Variants in ABCC9 observed in about 807,000 individuals in gnomAD.
The protein encoded by ABCC9 is ATP-binding cassette sub-family C member 9.
Under a neutral mutation model 188.3 loss-of-function variants are expected in ABCC9, and 95 were observed. The ratio of observed to expected loss-of-function variants is 0.50; its 90% CI spans 0.43 to 0.60. The LOEUF is 0.60. Among genes scored for constraint, ABCC9 ranks in the 20% least tolerant of loss-of-function variants. The probability of loss-of-function intolerance (pLI) is 0.00; values close to 1 mark genes in which losing one functional copy is unlikely to be tolerated. For synonymous variants in ABCC9, 659 were observed against 652.7 expected, an observed-to-expected ratio of 1.01 and a Z score of -0.15; for missense variants, 1,102 against 1,876.3, an observed-to-expected ratio of 0.59 and a Z score of 7.62.
intron 12 of ABCC9, among the ~76,000 whole-genome samples, chr12:21,896,351 G>A (rs937028696): frequency 4.6e-5 from 7 of 152,004 alleles, no homozygotes; most frequent in Non-Finnish European, 8.8e-5. Flanking sequence ...GTACAGTACC[G>A]CGAATCCAAA....
rs1276171782 is a variant in ABCC9 at position 21,809,905 on chromosome 12, G to C, written c.4262C>G (p.Ala1421Gly). ...CKCTDDRLWE[A>G]LEIAQLKNMV... Reference sequence around the variant, plus strand: ...ATTCTTCAGCTGAGCAATTTCTAAGGCTTCCCAGAGTCTGTCATCTGTGCA... The same window carrying C: ...ATTCTTCAGCTGAGCAATTTCTAAGCCTTCCCAGAGTCTGTCATCTGTGCA... The change falls in exon 37 of 40, where the codon GCC becomes GGC. Residue 1421 changes from alanine (A) to glycine (G), a missense_variant. Transcript: ENST00000261200. The C allele has an allele frequency of 1.2e-6, 2 of 1,612,670 alleles. No homozygotes were observed. The highest frequency in any genetic ancestry group is 2.2e-5 in the South Asian group (2 of 91,044).
intron 14 of ABCC9, among the ~76,000 whole-genome samples, chr12:21,891,098 T>C (rs1157846030): frequency 6.6e-6 from 1 of 152,182 alleles, no homozygotes; most frequent in Non-Finnish European, 1.5e-5. Context: ...TAACCCACCA[T>C]ACAGTAATTA....
chr12:21,917,681 A>G (rs1948656075), intron 5 of ABCC9, among the ~76,000 whole-genome samples: 1 of 152,210 alleles, frequency 6.6e-6, no homozygotes, highest in Admixed American at 6.6e-5. Context: ...CAATGGTCTT[A>G]TAGAGCGAAC....
chr12:21,842,353 G>T lies in ABCC9; in HGVS notation c.3434C>A (p.Ala1145Asp). ...FLVALLPLGV[A>D]FYFIQKYFRV... is the part of the protein sequence containing the mutation. ...AAAGTATTTCTGGATAAAATAAAAG[G>T]CAACACCAAGGGGCAGGAGAGCAAC... Residue 1145 changes from alanine to aspartate, a missense_variant, in exon 29 of 40, where the codon GCC becomes GAC. By Grantham distance (126) the Ala-to-Asp change is moderately radical (BLOSUM62 -2). Around this residue, in one of 12 missense-constraint regions of ABCC9, gnomAD observed 12 missense variants for 57.2 expected, o/e 0.21. Transcript: ENST00000261200. The T allele has an allele frequency of 1.2e-6, 2 of 1,614,090 alleles. No individual in the cohort carries two copies. The highest frequency in any genetic ancestry group is 1.7e-6 in the Non-Finnish European group (2 of 1,179,990).
chr12:21,806,824 C>T (rs1225681126), intron 38 of ABCC9, among the ~76,000 whole-genome samples: 1 of 152,192 alleles, frequency 6.6e-6, no homozygotes, highest in East Asian at 1.9e-4. Flanking sequence ...TTCTTGGACA[C>T]ATTTGACAAT....
intron 24 of ABCC9, among the ~76,000 whole-genome samples, chr12:21,851,049 C>G (rs914332719): frequency 6.6e-6 from 1 of 151,962 alleles, no homozygotes; most frequent in African/African-American, 2.4e-5. Flanking sequence ...TTGTATCTTC[C>G]TCTCTCTATG....
intron 29 of ABCC9, 89 bp from the exon 30 acceptor site, chr12:21,838,259 A>G: frequency 9.7e-7 from 1 of 1,034,394 alleles, no homozygotes; most frequent in South Asian, 1.3e-5. Flanking sequence ...TTATTTTGTC[A>G]CTGTATTTGT....
chr12:21,899,054 C>T (rs966693757), intron 12 of ABCC9, among the ~76,000 whole-genome samples: 3 of 152,074 alleles, frequency 2.0e-5, no homozygotes, highest in African/African-American at 4.8e-5. Flanking sequence ...ACCCTTTTCC[C>T]GTTTAGAAAA....
chr12:21,915,370 G>A (rs1565480835), intron 7 of ABCC9, among the ~76,000 whole-genome samples: 1 of 138,546 alleles, frequency 7.2e-6, no homozygotes, highest in South Asian at 2.3e-4. Context: ...GTGTATATAT[G>A]TGTGTATATA....
chr12:21,907,386 G>A (rs1196511719), intron 11 of ABCC9, among the ~76,000 whole-genome samples: 1 of 151,970 alleles, frequency 6.6e-6, no homozygotes, highest in Non-Finnish European at 1.5e-5. Flanking sequence ...TCCTGTCAGT[G>A]GCAGCATCTT....
chr12:21,818,118 T>C (rs749787335), intron 32 of ABCC9, 32 bp downstream of exon 32: 4 of 1,472,612 alleles, frequency 2.7e-6, no homozygotes, highest in Admixed American at 1.7e-5. Context: ...TGTTTGGTTA[T>C]CTGTTCCTGT....
rs557585231 is a variant in ABCC9, at chr12:21,917,266, T to A, written c.407-163A>T. ...AACAACATATATGATTTAGTGTACT[T>A]CTGGAGTTTTGAGTTGAAGGAGTAA... On this transcript the variant is annotated intron_variant, in intron 5 of 39. Coordinates refer to ENST00000261200, the MANE Select transcript of ABCC9 (RefSeq NM_020297.4). Among the ~76,000 whole-genome samples, 5 of 152,312 alleles carry A rather than the reference T, an allele frequency of 3.3e-5. No homozygotes were observed. In the East Asian group the frequency reaches 9.6e-4, roughly 29 times the overall value.
At chr12:21,857,435 A>C (rs150333444) in intron 22 of ABCC9, among the ~76,000 whole-genome samples, 1 of 152,242 alleles carries the variant, frequency 6.6e-6, no homozygotes, top group East Asian at 1.9e-4. Flanking sequence ...AGCAGATCTC[A>C]ATACCATAAT....
intron 33 of ABCC9, among the ~76,000 whole-genome samples, chr12:21,816,852 A>G (rs1194572503): frequency 6.6e-6 from 1 of 152,180 alleles, no homozygotes; most frequent in Non-Finnish European, 1.5e-5. Flanking sequence ...GTATTTTAAG[A>G]TCCAAATTTC....
rs184793380 is a variant in ABCC9 at position 21,887,484 on chromosome 12, A to G, written c.1911+342T>C. On this transcript the variant is annotated intron_variant, in intron 15 of 39. Coordinates refer to ENST00000261200, the MANE Select transcript of ABCC9 (RefSeq NM_020297.4). ...ATCAGAAAATATGTTTTAAACTATA[A>G]AGTGTAGTATAGCTAAATGGTATTA... Among the ~76,000 whole-genome samples the G allele has an allele frequency of 3.9e-5, 6 of 152,294 alleles. No individual in the cohort carries two copies. In the East Asian group the frequency reaches 1.2e-3, roughly 29 times the overall value.
At chr12:21,921,753 G>A (rs1948827930) in intron 5 of ABCC9, among the ~76,000 whole-genome samples, 1 of 151,984 alleles carries the variant, frequency 6.6e-6, no homozygotes, top group African/African-American at 2.4e-5. Flanking sequence ...TTTGTACATG[G>A]TGAGAGACAA....
chr12:21,798,701 G>A lies in ABCC9; in HGVS notation c.*2343C>T. ...GAAGTCAGTGTGGCGATTCCTCAGG[G>A]ATCTAGAACTAGAAATACCATTTGA... On this transcript the variant is annotated 3_prime_UTR_variant, in exon 40 of 40. Coordinates refer to ENST00000261200, the MANE Select transcript of ABCC9 (RefSeq NM_020297.4). The A allele has an allele frequency of 6.6e-6, 1 of 151,728 alleles. No homozygotes were observed. The highest frequency in any genetic ancestry group is 1.5e-5 in the Non-Finnish European group (1 of 67,980). 9.4% of individuals were successfully genotyped at this position (151,728 alleles called of 1,614,324 possible).
intron 5 of ABCC9, among the ~76,000 whole-genome samples, chr12:21,918,821 C>G (rs945620663): frequency 6.6e-6 from 1 of 152,054 alleles, no homozygotes; most frequent in Non-Finnish European, 1.5e-5. Flanking sequence ...TACTCACACT[C>G]AAGGCAAGAG....
intron 20 of ABCC9, among the ~76,000 whole-genome samples, chr12:21,862,091 T>C (rs887538712): frequency 2.6e-5 from 4 of 152,286 alleles, no homozygotes; most frequent in Non-Finnish European, 5.9e-5. Context: ...CTGTCCATTG[T>C]TGTTCTTCAA....
Sources: allele counts gnomAD v4.1 joint callset (sites outside exome capture counted in the v4.1 genomes callset), GRCh38; gene constraint gnomAD v4.1.1; regional missense constraint gnomAD v4.1.1; transcripts MANE v1.5; gene names NCBI Gene and HGNC (gene_info 2026-07-23, HGNC 2026-07-21).